The following CEP112 variants were observed in gnomAD, a reference collection of about 807,000 sequenced individuals.
CEP112 encodes the protein centrosomal protein of 112 kDa.
In CEP112, 127 loss-of-function variants were observed where a neutral mutation model predicts 153.0. The observed-to-expected ratio is 0.83, with a 90% confidence interval of 0.72 to 0.96. The LOEUF is 0.96. CEP112 is among the 40% of genes least tolerant of loss of function. The probability of loss-of-function intolerance (pLI) is 0.00; values close to 1 mark genes in which losing one functional copy is unlikely to be tolerated. For missense variants in CEP112, 1,089 were observed against 1,101.2 expected (o/e 0.99, Z 0.16); for synonymous variants, 358 against 374.4 (o/e 0.96, Z 0.51).
intron 4 of CEP112, among the ~76,000 whole-genome samples, chr17:66,161,454 C>G (rs947647148): frequency 6.6e-6 from 1 of 151,740 alleles, no homozygotes; most frequent in African/African-American, 2.4e-5. Flanking sequence ...AATAATAGAC[C>G]GGATAAAGAA....
chr17:66,060,706 C>A (rs1331992742), intron 11 of CEP112, among the ~76,000 whole-genome samples: 1 of 151,970 alleles, frequency 6.6e-6, no homozygotes, highest in East Asian at 1.9e-4. Context: ...TATCCACATG[C>A]AGAACAATGA....
intron 21 of CEP112, among the ~76,000 whole-genome samples, chr17:65,784,739 A>G (rs956744220): frequency 1.3e-5 from 2 of 152,154 alleles, no homozygotes; most frequent in African/African-American, 2.4e-5. Context: ...TCGGCCTCCT[A>G]AAGTGCTGGG....
intron 19 of CEP112, chr17:65,903,264 A>G (rs1441378348): frequency 6.6e-6 from 1 of 152,238 alleles, no homozygotes; most frequent in African/African-American, 2.4e-5. Context: ...GTTATCTAGA[A>G]TATGTTGTGT....
intron 17 of CEP112, among the ~76,000 whole-genome samples, chr17:65,962,247 T>G (rs762254634): frequency 5.9e-5 from 9 of 152,148 alleles, no homozygotes; most frequent in Non-Finnish European, 8.8e-5. Context: ...AGGAGTGAAT[T>G]TTATGGTATG....
chr17:66,100,125 T>C (rs2068505961), intron 6 of CEP112, among the ~76,000 whole-genome samples: 1 of 151,918 alleles, frequency 6.6e-6, no homozygotes, highest in African/African-American at 2.4e-5. Flanking sequence ...TTAAGAGTTG[T>C]ACAAGAGAGA....
At chr17:65,748,681 A>G (rs1404708223) in intron 22 of CEP112, among the ~76,000 whole-genome samples, 1 of 152,224 alleles carries the variant, frequency 6.6e-6, no homozygotes, top group Non-Finnish European at 1.5e-5. Flanking sequence ...TCCATTTGAC[A>G]AATGAGGAAA....
chr17:65,664,542 T>G (rs2046585473), intron 24 of CEP112, among the ~76,000 whole-genome samples: 1 of 152,108 alleles, frequency 6.6e-6, no homozygotes, highest in Non-Finnish European at 1.5e-5. Context: ...TCCAAGGTGA[T>G]TAAGAGTCAA....
At chr17:65,830,247 C>G (rs953393116) in intron 21 of CEP112, among the ~76,000 whole-genome samples, 2 of 152,162 alleles carry the variant, frequency 1.3e-5, no homozygotes, top group Non-Finnish European at 2.9e-5. Flanking sequence ...TTCACCAGAA[C>G]TTGGAGGAAA....
intron 23 of CEP112, among the ~76,000 whole-genome samples, chr17:65,720,553 T>A (rs1298992411): frequency 6.6e-6 from 1 of 152,128 alleles, no homozygotes; most frequent in Non-Finnish European, 1.5e-5. Context: ...AGCAAGGATG[T>A]CACTGGCAAC....
At chr17:65,782,999 A>T (rs1351289218) in intron 21 of CEP112, among the ~76,000 whole-genome samples, 1 of 152,208 alleles carries the variant, frequency 6.6e-6, no homozygotes, top group African/African-American at 2.4e-5. Context: ...ATAAAATTGA[A>T]AAAGAAATAT....
At position 65,670,463 on chromosome 17, in the gene CEP112, C is replaced by T. The variant is rs75738249; in HGVS notation, c.2697+18666G>A. Among the ~76,000 whole-genome samples, 345 of 151,880 alleles carry T rather than the reference C, an allele frequency of 2.3e-3. 1 individual carries two copies. The highest frequency in any genetic ancestry group is 8.0e-3 in the African/African-American group (333 of 41,410). ...TGCAAACACATTTATTATTCTTTGT[C>T]CCCTATTTAAAAACTGAATAACAAC... is the stretch of plus-strand genomic sequence containing the variant. On this transcript the variant is annotated intron_variant, in intron 24 of 26. Coordinates refer to ENST00000535342, the MANE Select transcript of CEP112 (RefSeq NM_001199165.4).
At chr17:65,878,726 G>GA (rs1247444813) in intron 20 of CEP112, among the ~76,000 whole-genome samples, 2 of 151,908 alleles carry the variant, frequency 1.3e-5, no homozygotes, top group African/African-American at 4.8e-5. Context: ...AAAACAGTGA[G>GA]AAGTGAAAAT....
At chr17:65,803,671 C>T (rs1243588052) in intron 21 of CEP112, among the ~76,000 whole-genome samples, 1 of 152,164 alleles carries the variant, frequency 6.6e-6, no homozygotes, top group Non-Finnish European at 1.5e-5. Flanking sequence ...TCTTTACTCC[C>T]TCCCAATAGA....
At chr17:65,781,788 T>C (rs1486758981) in intron 21 of CEP112, among the ~76,000 whole-genome samples, 3 of 151,978 alleles carry the variant, frequency 2.0e-5, no homozygotes, top group Non-Finnish European at 4.4e-5. Context: ...TGCTGGGATA[T>C]AGATAGTGGG....
At chr17:65,686,163 A>G (rs192781193) in intron 24 of CEP112, among the ~76,000 whole-genome samples, 99 of 145,798 alleles carry the variant, frequency 6.8e-4, no homozygotes, top group African/African-American at 2.4e-3. Flanking sequence ...TTGTGGAAAG[A>G]ACCCAACATC....
At chr17:65,888,478 C>A (rs2059359956) in intron 20 of CEP112, among the ~76,000 whole-genome samples, 1 of 149,998 alleles carries the variant, frequency 6.7e-6, no homozygotes, top group Non-Finnish European at 1.5e-5. Flanking sequence ...AAAGAAGATT[C>A]AATTTCATCT....
intron 20 of CEP112, among the ~76,000 whole-genome samples, chr17:65,890,573 GGTAA>G (rs2059427238): frequency 6.6e-6 from 1 of 152,038 alleles, no homozygotes; most frequent in African/African-American, 2.4e-5. Flanking sequence ...AGGCCTGAAG[GGTAA>G]GTACGCTAGA....
chr17:65,721,954 G>T (rs549323502), intron 23 of CEP112, among the ~76,000 whole-genome samples: 1 of 152,292 alleles, frequency 6.6e-6, no homozygotes, highest in East Asian at 1.9e-4. Context: ...AAAAGCCAAG[G>T]GAAATTTCTG....
intron 24 of CEP112, among the ~76,000 whole-genome samples, chr17:65,685,667 A>ATTTTTTTTT (rs556118592): frequency 1.0e-4 from 11 of 105,288 alleles, no homozygotes; most frequent in East Asian, 2.7e-4. Context: ...AATAGTTCTA[A>ATTTTTTTTT]TTTTTTTTTT....
Sources: gnomAD v4.1 joint callset for allele counts (sites outside exome capture counted in the v4.1 genomes callset) on GRCh38, gnomAD v4.1.1 for gene constraint, MANE v1.5 for transcripts, NCBI Gene and HGNC (gene_info 2026-07-23, HGNC 2026-07-21) for gene names.